RASA1: variants seen among roughly 807,000 people sequenced by gnomAD.
RASA1 encodes ras GTPase-activating protein 1.
Under a neutral mutation model 132.2 loss-of-function variants are expected in RASA1, and 25 were observed. That is an observed-to-expected ratio of 0.19 (90% CI 0.14 to 0.26). The LOEUF (loss-of-function observed/expected upper bound fraction) is 0.26, where lower values mean the gene tolerates loss of function less well. Ranked by LOEUF, RASA1 falls within the 10% of genes least tolerant of loss-of-function variation. The pLI is 1.00. For synonymous variants in RASA1, 477 were observed against 449.9 expected (o/e 1.06, Z -0.76); for missense variants, 964 against 1,299.2 (o/e 0.74, Z 3.97).
At chr5:87,281,507 C>T (rs1406373596) in intron 1 of RASA1, among the ~76,000 whole-genome samples, 1 of 152,046 alleles carries the variant, frequency 6.6e-6, no homozygotes, top group Admixed American at 6.6e-5. Context: ...TGCTGTTGAG[C>T]ATCTTTTCAT....
At chr5:87,343,753 A>G (rs966518691) in intron 6 of RASA1, among the ~76,000 whole-genome samples, 3 of 152,320 alleles carry the variant, frequency 2.0e-5, no homozygotes, top group East Asian at 3.9e-4. Context: ...CAGTGTATCA[A>G]AGAGACAGCT....
chr5:87,268,730 T>A lies in RASA1; in HGVS notation c.279T>A (p.Ala93=). The A allele has an allele frequency of 3.1e-6, 5 of 1,612,960 alleles. No individual in the cohort carries two copies. Among genetic ancestry groups the A allele is most frequent in the Non-Finnish European group, 3.4e-6 (4 of 1,179,516 alleles). Residue 93 remains alanine, a synonymous_variant, in exon 1 of 25, where the codon GCT becomes GCA. Transcript: ENST00000274376. ...GACTGACAGGGGGAGGTACTGCTGC[T>A]GGCGTAGCTGGTGCTGCTGCTGGCG... is the stretch of plus-strand genomic sequence containing the variant. ...GAGLTGGGTA[A]GVAGAAAGVA... is the part of the protein sequence containing the mutation.
chr5:87,373,438 G>GGT (rs1761096455), intron 13 of RASA1, among the ~76,000 whole-genome samples: 1 of 152,078 alleles, frequency 6.6e-6, no homozygotes, highest in Non-Finnish European at 1.5e-5. Flanking sequence ...AGGACAGAGA[G>GGT]GTGGAGGGTC....
At chr5:87,281,543 A>G (rs1754318459) in intron 1 of RASA1, among the ~76,000 whole-genome samples, 1 of 151,564 alleles carries the variant, frequency 6.6e-6, no homozygotes, top group Non-Finnish European at 1.5e-5. Context: ...TTATATATAT[A>G]TCTTTTTTTT....
At chr5:87,338,155 C>T (rs773020418) in intron 5 of RASA1, 64 bp downstream of exon 5, 91 of 1,601,366 alleles carry the variant, frequency 5.7e-5, no homozygotes, top group Non-Finnish European at 7.4e-5. Context: ...GGATCTTGTC[C>T]GTAATCAGAG....
At chr5:87,281,219 A>G (rs1263562382) in intron 1 of RASA1, among the ~76,000 whole-genome samples, 2 of 151,702 alleles carry the variant, frequency 1.3e-5, no homozygotes, top group African/African-American at 2.4e-5. Flanking sequence ...CAAGGGTTAG[A>G]ATTTCTCTGC....
At chr5:87,353,825 G>C (rs900878352) in intron 9 of RASA1, among the ~76,000 whole-genome samples, 2 of 152,064 alleles carry the variant, frequency 1.3e-5, no homozygotes, top group Non-Finnish European at 2.9e-5. Flanking sequence ...GAGCAAGAGA[G>C]CCTGTTAAAT....
Position 87,285,624 on chromosome 5 carries a change from T to C in RASA1, c.539+16634T>C, listed in dbSNP as rs188896664. ...TCAGTCTCTTTTTCTTTTTCTTTTT[T>C]TTTTTTTTTTTGAGACAAAGTCTCG... On this transcript the variant is annotated intron_variant, in intron 1 of 24. Transcript: ENST00000274376. Among the ~76,000 whole-genome samples, 158 of 141,676 alleles carry C rather than the reference T, an allele frequency of 1.1e-3. 2 individuals are homozygous for C. The highest frequency in any genetic ancestry group is 3.6e-3 in the African/African-American group (130 of 35,746). The allele number at this position is 141,676 out of a possible 152,430, so 92.9% of individuals were successfully genotyped here.
chr5:87,320,086 A>G (rs563924446), intron 1 of RASA1, among the ~76,000 whole-genome samples: 26 of 152,296 alleles, frequency 1.7e-4, no homozygotes, highest in African/African-American at 6.3e-4. Flanking sequence ...CTGCTAAATC[A>G]TAGCAAGAGT....
chr5:87,372,058 A>G, intron 12 of RASA1, 60 bp from the exon 13 acceptor site: 1 of 1,455,504 alleles, frequency 6.9e-7, no homozygotes, highest in Non-Finnish European at 9.4e-7. Flanking sequence ...AACCTAACTG[A>G]TGATTTGGAA....
At chr5:87,336,171 A>G (rs1397807568) in intron 4 of RASA1, among the ~76,000 whole-genome samples, 2 of 152,334 alleles carry the variant, frequency 1.3e-5, no homozygotes, top group East Asian at 3.9e-4. Context: ...TTGCAAAATT[A>G]TAAAACAGTG....
intron 1 of RASA1, among the ~76,000 whole-genome samples, chr5:87,285,086 T>A (rs930571579): frequency 5.9e-5 from 7 of 119,242 alleles, no homozygotes; most frequent in African/African-American, 1.9e-4. Context: ...TTATTTATTT[T>A]GAGATGGAGT....
intron 20 of RASA1, among the ~76,000 whole-genome samples, chr5:87,382,717 T>C (rs941763752): frequency 2.8e-4 from 42 of 152,200 alleles, no homozygotes; most frequent in African/African-American, 9.6e-4. Flanking sequence ...GCTGTTAGTA[T>C]AATTTTTGCT....
Position 87,372,340 on chromosome 5 carries a change from C to T in RASA1, c.1776+145C>T, listed in dbSNP as rs573324749. The T allele has an allele frequency of 9.8e-6, 7 of 714,966 alleles. No individual in the cohort carries two copies. The Admixed American group carries it at 1.6e-4, about 17-fold the overall frequency. 44.3% of individuals were successfully genotyped at this position (714,966 alleles called of 1,614,324 possible). A position where few individuals can be genotyped will look rare whatever the true frequency, so the allele number is the denominator to read the frequency against. ...TTGCTTCAGTAGCAGGAAAACGTTA[C>T]TTCTTTATGAAAGAGAATGTTCTTT... On this transcript the variant is annotated intron_variant, in intron 13 of 24. Transcript: ENST00000274376.
chr5:87,389,316 A>G, intron 23 of RASA1, 77 bp from the exon 24 acceptor site: 1 of 1,566,840 alleles, frequency 6.4e-7, no homozygotes, highest in African/African-American at 1.4e-5. Flanking sequence ...GGGCAACAAG[A>G]GCGAAACTCT....
In RASA1 at chr5:87,268,904, G is replaced by A. The variant is rs778269579; in HGVS notation, c.453G>A (p.Gly151=). ...PYLPPLGAGL[G]TVDEGDSLDG... is the part of the protein sequence containing the mutation. ...TGCCCCCTTTGGGGGCGGGCCTCGG[G>A]ACAGTGGACGAAGGTGACTCTCTGG... Residue 151 remains glycine (G), a synonymous_variant, in exon 1 of 25, where the codon GGG becomes GGA. Coordinates refer to ENST00000274376, the MANE Select transcript of RASA1 (RefSeq NM_002890.3). 6.8e-6 allele frequency: 11 copies of A among 1,614,226 alleles called. No homozygotes were observed. The highest frequency in any genetic ancestry group is 9.3e-6 in the Non-Finnish European group (11 of 1,180,036).
chr5:87,370,408 C>T, intron 12 of RASA1, among the ~76,000 whole-genome samples: 1 of 152,086 alleles, frequency 6.6e-6, no homozygotes, highest in East Asian at 1.9e-4. Flanking sequence ...CTTCTTATAG[C>T]GTCTATTAAG....
Position 87,306,142 on chromosome 5 carries a change from A to C in RASA1, c.540-25206A>C, listed in dbSNP as rs1031631128. ...GTATATAACCAAAGGAATATAAATC[A>C]CTCTATTATAAAGACACATGCACAT... is the stretch of plus-strand genomic sequence containing the variant. On this transcript the variant is annotated intron_variant, in intron 1 of 24. Transcript: ENST00000274376. Among the ~76,000 whole-genome samples the C allele has an allele frequency of 1.6e-3, 239 of 151,952 alleles. 1 individual carries two copies. Among genetic ancestry groups the C allele is most frequent in the Middle Eastern group, 6.8e-3 (2 of 294 alleles).
chr5:87,273,551 T>C (rs968296619), intron 1 of RASA1, among the ~76,000 whole-genome samples: 22 of 152,108 alleles, frequency 1.4e-4, no homozygotes, highest in African/African-American at 5.3e-4. Context: ...ATCAGTTATA[T>C]GTAGAGATTT....
Sources: gnomAD v4.1 joint callset for allele counts (sites outside exome capture counted in the v4.1 genomes callset) on GRCh38, gnomAD v4.1.1 for gene constraint, MANE v1.5 for transcripts, NCBI Gene and HGNC (gene_info 2026-07-23, HGNC 2026-07-21) for gene names.